The following SNCAIP variants were observed in gnomAD, a reference collection of about 807,000 sequenced individuals.
The protein encoded by SNCAIP is synuclein alpha interacting protein, also known as synphilin-1.
SNCAIP carries 43 observed loss-of-function variants against 86.7 expected under a neutral mutation model. The observed-to-expected ratio is 0.50, with a 90% CI of 0.39 to 0.64. The LOEUF is 0.64. Ranked by LOEUF, SNCAIP falls within the 30% of genes least tolerant of loss-of-function variation. The pLI is 0.00. For missense variants in SNCAIP, 981 were observed against 1,103.1 expected (o/e 0.89, Z 1.57); for synonymous variants, 417 against 427.2 (o/e 0.98, Z 0.29).
At chr5:122,383,315 C>T (rs531043520) in intron 1 of SNCAIP, among the ~76,000 whole-genome samples, 3 of 152,168 alleles carry the variant, frequency 2.0e-5, no homozygotes, top group Non-Finnish European at 2.9e-5. Context: ...CAGGTGCGTC[C>T]GTCACCCCTT....
intron 1 of SNCAIP, among the ~76,000 whole-genome samples, chr5:122,334,309 C>CT (rs1444766765): frequency 6.6e-6 from 1 of 151,948 alleles, no homozygotes; most frequent in Non-Finnish European, 1.5e-5. Flanking sequence ...TTTCAAATGA[C>CT]TTGCCCAAGT....
chr5:122,327,404 G>C (rs1477814371), intron 1 of SNCAIP, among the ~76,000 whole-genome samples: 2 of 152,140 alleles, frequency 1.3e-5, no homozygotes, highest in Non-Finnish European at 2.9e-5. Flanking sequence ...CTCTGGTACT[G>C]TATGGTTTGG....
intron 1 of SNCAIP, among the ~76,000 whole-genome samples, chr5:122,346,966 T>C (rs1758733331): frequency 6.6e-6 from 1 of 152,040 alleles, no homozygotes; most frequent in African/African-American, 2.4e-5. Context: ...ATGAAAGCAA[T>C]TGTCAATGGA....
chr5:122,344,984 T>C (rs1320930846), intron 1 of SNCAIP, among the ~76,000 whole-genome samples: 1 of 152,208 alleles, frequency 6.6e-6, no homozygotes, highest in Non-Finnish European at 1.5e-5. Flanking sequence ...TGAAATGCTG[T>C]AAGCTGAGCA....
chr5:122,433,183 T>G (rs1475328322), intron 6 of SNCAIP, among the ~76,000 whole-genome samples: 1 of 151,982 alleles, frequency 6.6e-6, no homozygotes, highest in African/African-American at 2.4e-5. Context: ...GTTTTTTATA[T>G]GTTATATACA....
intron 10 of SNCAIP, among the ~76,000 whole-genome samples, chr5:122,455,015 T>C (rs1784451958): frequency 6.6e-6 from 1 of 152,230 alleles, no homozygotes; most frequent in South Asian, 2.1e-4. Context: ...TTAGATTCAC[T>C]GGCTTTACTT....
chr5:122,368,360 T>G (rs922803954), intron 1 of SNCAIP, among the ~76,000 whole-genome samples: 3 of 152,174 alleles, frequency 2.0e-5, no homozygotes, highest in African/African-American at 7.2e-5. Context: ...CAAGCCCTTG[T>G]ACTTGCAGAA....
chr5:122,446,149 C>T (rs920104916), intron 8 of SNCAIP, among the ~76,000 whole-genome samples: 1 of 152,066 alleles, frequency 6.6e-6, no homozygotes, highest in Non-Finnish European at 1.5e-5. Context: ...CCACAGTGAA[C>T]ACACTGTGCA....
At chr5:122,448,727 T>TTA (rs565840571) in intron 8 of SNCAIP, among the ~76,000 whole-genome samples, 2,161 of 134,100 alleles carry the variant, frequency 0.016, 71 homozygotes, top group African/African-American at 0.055. Flanking sequence ...TATATATGTT[T>TTA]TATATATATA....
chr5:122,442,752 G>C (rs1294165236), intron 7 of SNCAIP, among the ~76,000 whole-genome samples: 1 of 152,144 alleles, frequency 6.6e-6, no homozygotes, highest in African/African-American at 2.4e-5. Context: ...TGAGATTTTA[G>C]TTATTTTTCT....
chr5:122,451,107 A>G lies in SNCAIP; in HGVS notation c.2260A>G (p.Ser754Gly), dbSNP rs1475580995. Residue 754 changes from serine to glycine, a missense_variant, in exon 10 of 11, where the codon AGC (serine) becomes GGC (glycine). Physicochemically the swap from Ser to Gly is moderately conservative, Grantham distance 56. Coordinates refer to ENST00000261368, the MANE Select transcript of SNCAIP (RefSeq NM_005460.4). Reference sequence around the variant, plus strand: ...CCACAGCCCATCTCCCACCTCAGAGAGCAGCGAACCAGACTTAGAATCCCA... The same window carrying G: ...CCACAGCCCATCTCCCACCTCAGAGGGCAGCGAACCAGACTTAGAATCCCA... ...DGHSPSPTSESSEPDLESQYP... is the reference protein window; with the variant it reads ...DGHSPSPTSEGSEPDLESQYP... The G allele has an allele frequency of 6.2e-7, 1 of 1,614,088 alleles. No individual in the cohort carries two copies. The highest frequency in any genetic ancestry group is 8.5e-7 in the Non-Finnish European group (1 of 1,180,008).
intron 1 of SNCAIP, among the ~76,000 whole-genome samples, chr5:122,353,611 AT>A (rs1163545202): frequency 1.3e-5 from 2 of 152,076 alleles, no homozygotes; most frequent in African/African-American, 2.4e-5. Context: ...TGCTATTCTC[AT>A]GATAGTGAAT....
intron 1 of SNCAIP, among the ~76,000 whole-genome samples, chr5:122,359,639 A>T (rs1487000549): frequency 6.6e-6 from 1 of 152,126 alleles, no homozygotes; most frequent in African/African-American, 2.4e-5. Flanking sequence ...TGCTAGGATT[A>T]CAGGTGTGAG....
At chr5:122,419,877 T>G (rs536339426) in intron 3 of SNCAIP, among the ~76,000 whole-genome samples, 9 of 152,326 alleles carry the variant, frequency 5.9e-5, no homozygotes, top group Admixed American at 3.3e-4. Flanking sequence ...ATCTTACTAG[T>G]CATTAATAGC....
intron 7 of SNCAIP, among the ~76,000 whole-genome samples, chr5:122,443,184 A>G (rs1781454698): frequency 1.3e-5 from 2 of 152,292 alleles, no homozygotes; most frequent in South Asian, 4.2e-4. Context: ...GAAGCTCCTT[A>G]CTGACCTCTC....
chr5:122,419,148 G>A (rs958546263), intron 3 of SNCAIP, among the ~76,000 whole-genome samples: 20 of 152,130 alleles, frequency 1.3e-4, no homozygotes, highest in Admixed American at 7.9e-4. Flanking sequence ...TGTAGGCCAC[G>A]ATCACAAGGG....
rs542958894 is a variant in SNCAIP, at chr5:122,397,011, T to C, written c.57+5820T>C. On this transcript the variant is annotated intron_variant, in intron 2 of 10. Coordinates refer to ENST00000261368, the MANE Select transcript of SNCAIP (RefSeq NM_005460.4). ...TGATTGCTAACATTTATTGAACACT[T>C]AACTGTGCATCAGACACTCTTCCCA... 5.3e-5 allele frequency among the ~76,000 whole-genome samples: 8 copies of C among 152,268 alleles called. No individual in the cohort carries two copies. In the South Asian group the frequency reaches 1.5e-3, roughly 28 times the overall value.
intron 7 of SNCAIP, among the ~76,000 whole-genome samples, chr5:122,443,135 G>C (rs1781441790): frequency 6.6e-6 from 1 of 152,148 alleles, no homozygotes; most frequent in Admixed American, 6.5e-5. Context: ...GTGGTGAGTT[G>C]ACCTTTCATG....
At chr5:122,429,147 C>G (rs1561748932) in intron 5 of SNCAIP, among the ~76,000 whole-genome samples, 1 of 151,382 alleles carries the variant, frequency 6.6e-6, no homozygotes, top group African/African-American at 2.4e-5. Flanking sequence ...CATACCAACA[C>G]TTACAAGATG....
Sources: gnomAD v4.1 joint callset for allele counts (sites outside exome capture counted in the v4.1 genomes callset) on GRCh38, gnomAD v4.1.1 for gene constraint, MANE v1.5 for transcripts, NCBI Gene and HGNC (gene_info 2026-07-23, HGNC 2026-07-21) for gene names.